ZMYM2: variants seen among roughly 807,000 people sequenced by gnomAD.
ZMYM2 encodes zinc finger MYM-type containing 2.
In ZMYM2, 56 loss-of-function variants were observed where a neutral mutation model predicts 162.8. That is an observed-to-expected ratio of 0.34 (90% CI 0.28 to 0.43). ZMYM2 has a LOEUF of 0.43. ZMYM2 is among the 20% of genes least tolerant of loss of function. The pLI is 1.00. For synonymous variants in ZMYM2, 510 were observed against 541.6 expected (o/e 0.94, Z 0.81); for missense variants, 1,275 against 1,621.8 (o/e 0.79, Z 3.67).
intron 8 of ZMYM2, 83 bp downstream of exon 8, chr13:20,026,845 C>A: frequency 7.2e-7 from 1 of 1,384,980 alleles, no homozygotes; most frequent in Non-Finnish European, 9.6e-7. Flanking sequence ...TGTTTTTATG[C>A]TTGTTTTTAA....
At chr13:20,026,855 A>G in intron 8 of ZMYM2, 93 bp downstream of exon 8, 1 of 1,312,660 alleles carries the variant, frequency 7.6e-7, no homozygotes, top group Middle Eastern at 2.7e-4. Context: ...CTTGTTTTTA[A>G]CAGCTTTTTA....
intron 2 of ZMYM2, among the ~76,000 whole-genome samples, chr13:19,967,988 T>C (rs1312114695): frequency 6.6e-6 from 1 of 152,212 alleles, no homozygotes; most frequent in African/African-American, 2.4e-5. Context: ...TCCATCGAGA[T>C]AAAAATGCTT....
chr13:20,009,303 A>G (rs1348120432), intron 6 of ZMYM2, among the ~76,000 whole-genome samples: 1 of 152,210 alleles, frequency 6.6e-6, no homozygotes, highest in Non-Finnish European at 1.5e-5. Flanking sequence ...TGATGTTTTC[A>G]TAGGGGAATT....
chr13:19,999,838 C>T (rs1218843656), intron 3 of ZMYM2, among the ~76,000 whole-genome samples: 1 of 152,310 alleles, frequency 6.6e-6, no homozygotes, highest in South Asian at 2.1e-4. Context: ...CTCACTCTTA[C>T]CCAGTCTGGA....
intron 2 of ZMYM2, among the ~76,000 whole-genome samples, chr13:19,991,925 C>T (rs1350831540): frequency 1.3e-5 from 2 of 152,166 alleles, no homozygotes; most frequent in East Asian, 1.9e-4. Flanking sequence ...CTTGTAGTCT[C>T]CCTCTGCATG....
At chr13:20,079,316 C>CAAAAAAAAAAAAAA (rs1158594782) in intron 21 of ZMYM2, among the ~76,000 whole-genome samples, 1 of 23,164 alleles carries the variant, frequency 4.3e-5, no homozygotes, top group African/African-American at 2.2e-4. Flanking sequence ...GACTCTGTCT[C>CAAAAAAAAAAAAAA]AAAAAAAAAA....
At chr13:20,004,993 A>G in intron 4 of ZMYM2, 81 bp from the exon 5 acceptor site, 1 of 1,155,310 alleles carries the variant, frequency 8.7e-7, no homozygotes. Flanking sequence ...CTTAGTCTAT[A>G]GAAATGAAAA....
At chr13:19,879,095 TTTC>T in the ZMYM2 span, among the ~76,000 whole-genome samples, 1 of 152,232 alleles carries the variant, frequency 6.6e-6, no homozygotes, top group African/African-American at 2.4e-5. Context: ...TTTCTTTTGT[TTTC>T]TTCTAAGAGT....
intron 23 of ZMYM2, 26 bp from the exon 24 acceptor site, chr13:20,083,630 G>A (rs1958050296): frequency 2.8e-6 from 4 of 1,453,248 alleles, no homozygotes; most frequent in Non-Finnish European, 3.8e-6. Flanking sequence ...TAGTTTAGGA[G>A]GTTTATTTCA....
At chr13:20,014,868 G>A (rs1284294781) in intron 6 of ZMYM2, among the ~76,000 whole-genome samples, 4 of 148,188 alleles carry the variant, frequency 2.7e-5, no homozygotes, top group Non-Finnish European at 4.4e-5. Flanking sequence ...AGGTTCAAGC[G>A]ATTATCCTGC....
the ZMYM2 span, among the ~76,000 whole-genome samples, chr13:19,951,323 A>G: frequency 6.6e-6 from 1 of 152,070 alleles, no homozygotes; most frequent in Non-Finnish European, 1.5e-5. Flanking sequence ...TACAAACCAT[A>G]TGTCTGATAA....
chr13:19,873,201 A>G, the ZMYM2 span, among the ~76,000 whole-genome samples: 4 of 151,936 alleles, frequency 2.6e-5, no homozygotes, highest in East Asian at 1.9e-4. Context: ...TGGTCCCAAT[A>G]TTTTCCATTG....
chr13:19,915,632 T>C, the ZMYM2 span, among the ~76,000 whole-genome samples: 1 of 151,924 alleles, frequency 6.6e-6, no homozygotes, highest in Admixed American at 6.6e-5. Flanking sequence ...ACCTCCCTAG[T>C]AGCTGGGATT....
At chr13:19,892,069 T>C in the ZMYM2 span, among the ~76,000 whole-genome samples, 1 of 151,096 alleles carries the variant, frequency 6.6e-6, no homozygotes, top group Non-Finnish European at 1.5e-5. Flanking sequence ...GCCTCCTGAG[T>C]TGCTGGGACC....
At chr13:19,957,003 T>A (rs746429708), upstream of ZMYM2, among the ~76,000 whole-genome samples, 1 of 152,208 alleles carries the variant, frequency 6.6e-6, no homozygotes, top group Non-Finnish European at 1.5e-5. Flanking sequence ...TATTTAAAAC[T>A]AAAAAATTTT....
At position 19,997,605 on chromosome 13, in the gene ZMYM2, A is replaced by G. The variant is rs183063553; in HGVS notation, c.847+3686A>G. On this transcript the variant is annotated intron_variant, in intron 3 of 24. Coordinates refer to ENST00000610343, the MANE Select transcript of ZMYM2 (RefSeq NM_197968.4). ...AATGCTTTTTAGAAAGCTCTTAGCA[A>G]TTTATACTGTCATGAACTGTATGTT... Among the ~76,000 whole-genome samples, 5 of 152,278 alleles carry G rather than the reference A, an allele frequency of 3.3e-5. No homozygotes were observed. The East Asian group carries it at 5.8e-4, about 18-fold the overall frequency.
upstream of ZMYM2, among the ~76,000 whole-genome samples, chr13:19,958,406 C>A (rs1053970882): frequency 6.7e-6 from 1 of 148,798 alleles, no homozygotes; most frequent in African/African-American, 2.4e-5. Context: ...GGAGCCGAAG[C>A]GGGTTCGGTA....
At chr13:20,027,374 AT>A in intron 9 of ZMYM2, 56 bp downstream of exon 9, 1 of 1,340,200 alleles carries the variant, frequency 7.5e-7, no homozygotes, top group South Asian at 1.3e-5. Context: ...ATAGAAAATA[AT>A]CAGTGTAATA....
chr13:19,901,692 G>A, the ZMYM2 span, among the ~76,000 whole-genome samples: 1 of 152,106 alleles, frequency 6.6e-6, no homozygotes, highest in Non-Finnish European at 1.5e-5. Context: ...GGCCAGGCTG[G>A]TCTTGAACTC....
Sources: allele counts gnomAD v4.1 joint callset (sites outside exome capture counted in the v4.1 genomes callset), GRCh38; gene constraint gnomAD v4.1.1; transcripts MANE v1.5; gene names NCBI Gene and HGNC (gene_info 2026-07-23, HGNC 2026-07-21).